Variants in SFTPD observed in about 807,000 individuals in gnomAD.
SFTPD encodes the protein pulmonary surfactant-associated protein D.
A neutral mutation model predicts 34.6 loss-of-function variants in SFTPD; 18 were observed. The observed-to-expected ratio is 0.52, with a 90% confidence interval of 0.36 to 0.77. SFTPD has a LOEUF of 0.77. Among genes scored for constraint, SFTPD ranks in the 30% least tolerant of loss-of-function variants. SFTPD has a pLI of 0.00. For missense variants in SFTPD, 433 were observed against 468.9 expected (o/e 0.92, Z 0.71); for synonymous variants, 155 against 180.9 (o/e 0.86, Z 1.15).
intron 5 of SFTPD, 42 bp from the exon 6 acceptor site, chr10:79,941,556 A>T (rs1381867644): frequency 6.8e-7 from 1 of 1,478,176 alleles, no homozygotes; most frequent in Non-Finnish European, 9.1e-7. Context: ...TACTCATTTT[A>T]TTTTTTTTGT....
intron 7 of SFTPD, among the ~76,000 whole-genome samples, chr10:79,939,898 A>C (rs2132491711): frequency 6.6e-6 from 1 of 152,320 alleles, no homozygotes; most frequent in African/African-American, 2.4e-5. Context: ...AGATTCAAAA[A>C]GGCACCAGGC....
upstream of SFTPD, among the ~76,000 whole-genome samples, chr10:79,953,094 C>T (rs1197171144): frequency 6.6e-6 from 1 of 152,246 alleles, no homozygotes; most frequent in Non-Finnish European, 1.5e-5. Flanking sequence ...CAGTATTCCA[C>T]TCAGACCATG....
intron 1 of SFTPD, among the ~76,000 whole-genome samples, chr10:79,959,440 C>G (rs574837737): frequency 3.2e-4 from 48 of 152,126 alleles, no homozygotes; most frequent in Admixed American, 2.4e-3. Context: ...CAAATAGACG[C>G]AATAAAAAAT....
chr10:79,955,903 T>C (rs1842735554), intron 1 of SFTPD, among the ~76,000 whole-genome samples: 1 of 152,218 alleles, frequency 6.6e-6, no homozygotes, highest in Non-Finnish European at 1.5e-5. Context: ...CCTGCATCAT[T>C]TGAAACTACT....
At chr10:79,953,587 T>C (rs1167311827), upstream of SFTPD, among the ~76,000 whole-genome samples, 1 of 152,148 alleles carries the variant, frequency 6.6e-6, no homozygotes, top group Admixed American at 6.5e-5. Context: ...TATTTGACTT[T>C]GGACAAACTA....
Position 79,937,844 on chromosome 10 carries a change from C to A in SFTPD, c.*8G>T. ...GGGCCAAGCACTGCCCCACCCACCC[C>A]AGTTGGCTCAGAACTCGCAGACCAC... is the stretch of plus-strand genomic sequence containing the variant. On this transcript the variant is annotated 3_prime_UTR_variant, in exon 8 of 8. Transcript: ENST00000372292. 6.5e-7 allele frequency: 1 copy of A among 1,532,068 alleles called. No homozygotes were observed. The highest frequency in any genetic ancestry group is 1.3e-5 in the South Asian group (1 of 78,224). 94.9% of individuals were successfully genotyped at this position (1,532,068 alleles called of 1,614,324 possible).
At chr10:79,940,521 C>T (rs771416743) in intron 7 of SFTPD, among the ~76,000 whole-genome samples, 184 bp downstream of exon 7, 3 of 152,176 alleles carry the variant, frequency 2.0e-5, no homozygotes, top group Non-Finnish European at 4.4e-5. Flanking sequence ...CTGAGCCCTA[C>T]CCCCTGCCAC....
chr10:79,944,643 G>C (rs945156779), intron 2 of SFTPD, among the ~76,000 whole-genome samples: 6 of 152,142 alleles, frequency 3.9e-5, no homozygotes, highest in Non-Finnish European at 1.5e-5. Flanking sequence ...CTCATGGGCT[G>C]CTGTAAGGTG....
Position 79,940,741 on chromosome 10 carries a change from G to C in SFTPD, c.715C>G (p.Gln239Glu). Residue 239 changes from glutamine (Q) to glutamate (E), a missense_variant, in exon 7 of 8, where the codon CAG becomes GAG. By Grantham distance (29) the Gln-to-Glu change is conservative. Transcript: ENST00000372292. ...TGAGAGAAAGCAGCCTGGAGGTGCTGTACTTGTCCCTGTAAGGCCTCAACC... is the reference window on the plus strand; with the variant it reads ...TGAGAGAAAGCAGCCTGGAGGTGCTCTACTTGTCCCTGTAAGGCCTCAACC... ...QQVEALQGQVQHLQAAFSQYK... is the reference protein window; with the variant it reads ...QQVEALQGQVEHLQAAFSQYK... 6.2e-7 allele frequency: 1 copy of C among 1,612,348 alleles called. No individual in the cohort carries two copies. The highest frequency in any genetic ancestry group is 8.5e-7 in the Non-Finnish European group (1 of 1,178,506).
chr10:79,972,838 A>G (rs1842843190), intron 1 of SFTPD: 1 of 152,198 alleles, frequency 6.6e-6, no homozygotes, highest in Admixed American at 6.5e-5. Context: ...CAAAAGTCAA[A>G]CCTGAAGGCG....
At chr10:79,964,098 A>G (rs1051182369) in intron 1 of SFTPD, among the ~76,000 whole-genome samples, 1 of 151,978 alleles carries the variant, frequency 6.6e-6, no homozygotes. Context: ...GCCCCCCTCC[A>G]CTACCTCTCA....
intron 1 of SFTPD, among the ~76,000 whole-genome samples, chr10:79,962,219 A>G (rs977747777): frequency 2.7e-5 from 4 of 150,822 alleles, no homozygotes; most frequent in Non-Finnish European, 4.4e-5. Flanking sequence ...TGGGTGCAGC[A>G]CACCAACATG....
intron 1 of SFTPD, among the ~76,000 whole-genome samples, chr10:79,964,224 T>C (rs1478924816): frequency 6.6e-6 from 1 of 152,220 alleles, no homozygotes; most frequent in Non-Finnish European, 1.5e-5. Context: ...TACTGTTATA[T>C]GGGCAGAAAG....
chr10:79,943,323 G>A (rs1386351096), intron 2 of SFTPD, among the ~76,000 whole-genome samples: 1 of 152,168 alleles, frequency 6.6e-6, no homozygotes, highest in African/African-American at 2.4e-5. Context: ...CATCTATGCA[G>A]CATCTACTTT....
At chr10:79,979,160 A>G (rs537892863) in intron 1 of SFTPD, among the ~76,000 whole-genome samples, 1 of 152,322 alleles carries the variant, frequency 6.6e-6, no homozygotes, top group East Asian at 1.9e-4. Context: ...TAAAAAATAA[A>G]TAAAATATCT....
At chr10:79,945,419 TG>T (rs1842655201) in intron 2 of SFTPD, among the ~76,000 whole-genome samples, 5 of 152,132 alleles carry the variant, frequency 3.3e-5, no homozygotes, top group African/African-American at 1.2e-4. Flanking sequence ...CCACAAAGCC[TG>T]GGGATATTGC....
chr10:79,974,521 G>A (rs186579263), intron 1 of SFTPD, among the ~76,000 whole-genome samples: 1 of 152,058 alleles, frequency 6.6e-6, no homozygotes, highest in Non-Finnish European at 1.5e-5. Flanking sequence ...ATATTTTCAA[G>A]AGTGATGTGA....
chr10:79,966,490 G>A lies in SFTPD; in HGVS notation c.36+16085C>T, dbSNP rs960085493. The stretch of plus-strand genomic sequence containing the variant: ...TGTAGATTGTGGATATTAGCCCTTT[G>A]TCAGATGAGTAGGTTGCGAAAATTT... On this transcript the variant is annotated intron_variant, in intron 1 of 5. Transcript: ENST00000444384. Among the ~76,000 whole-genome samples the A allele has an allele frequency of 1.3e-4, 16 of 122,170 alleles. 1 individual carries two copies. Among genetic ancestry groups the A allele is most frequent in the South Asian group, 6.2e-4 (2 of 3,236 alleles). The allele number at this position is 122,170 out of a possible 152,430, so 80.1% of individuals were successfully genotyped here. A position where few individuals can be genotyped will look rare whatever the true frequency, so the allele number is the denominator to read the frequency against.
chr10:79,946,764 C>A (rs1455383430), intron 1 of SFTPD, 102 bp from the exon 2 acceptor site: 2 of 1,043,976 alleles, frequency 1.9e-6, no homozygotes, highest in Non-Finnish European at 2.9e-6. Context: ...CCCATTCCCT[C>A]CTTCTGTCCT....
Sources: allele counts gnomAD v4.1 joint callset (sites outside exome capture counted in the v4.1 genomes callset), GRCh38; gene constraint gnomAD v4.1.1; transcripts MANE v1.5; gene names NCBI Gene and HGNC (gene_info 2026-07-23, HGNC 2026-07-21).